Variants in RAD51B observed in about 807,000 individuals in gnomAD.
The protein encoded by RAD51B is DNA repair protein RAD51 homolog 2.
In RAD51B, 38 loss-of-function variants were observed where a neutral mutation model predicts 42.2. The observed-to-expected ratio is 0.90, with a 90% CI of 0.70 to 1.18. The LOEUF (loss-of-function observed/expected upper bound fraction) is 1.18, where lower values mean the gene tolerates loss of function less well. Among genes scored for constraint, RAD51B ranks in the 50% most tolerant of loss-of-function variants. The probability of loss-of-function intolerance (pLI) is 0.00; values close to 1 mark genes in which losing one functional copy is unlikely to be tolerated. For missense variants in RAD51B, 373 were observed against 400.7 expected, an observed-to-expected ratio of 0.93 and a Z score of 0.59; for synonymous variants, 154 against 145.2, an observed-to-expected ratio of 1.06 and a Z score of -0.43.
chr14:68,037,183 C>CCCTCTCCTCT (rs1251650735), intron 7 of RAD51B, among the ~76,000 whole-genome samples: 9 of 31,566 alleles, frequency 2.9e-4, no homozygotes, highest in African/African-American at 1.5e-3. Flanking sequence ...CCCTCCCCTC[C>CCCTCTCCTCT]CCTCTCCTCT....
At chr14:68,632,950 T>TTTTTTC (rs1443219950) in intron 10 of RAD51B, among the ~76,000 whole-genome samples, 16 of 148,440 alleles carry the variant, frequency 1.1e-4, no homozygotes, top group Non-Finnish European at 2.1e-4. Context: ...TAATTTTTTC[T>TTTTTTC]TTTTTCTTTT....
intron 7 of RAD51B, among the ~76,000 whole-genome samples, chr14:67,941,641 G>A (rs1176602832): frequency 2.0e-5 from 3 of 152,172 alleles, no homozygotes; most frequent in Non-Finnish European, 4.4e-5. Context: ...TGTCAGGACT[G>A]GGGGTTTAGT....
chr14:68,238,913 T>C (rs1446654090), intron 7 of RAD51B, among the ~76,000 whole-genome samples: 1 of 152,232 alleles, frequency 6.6e-6, no homozygotes, highest in Non-Finnish European at 1.5e-5. Flanking sequence ...GAACTGGTCA[T>C]GATGATATCT....
intron 7 of RAD51B, among the ~76,000 whole-genome samples, chr14:68,185,651 G>A (rs116801448): frequency 0.014 from 2,190 of 151,904 alleles, 59 homozygotes; most frequent in African/African-American, 0.05. Flanking sequence ...TTTTGTGGAA[G>A]ACAATTTTTC....
chr14:67,991,931 G>A (rs1189688821), intron 7 of RAD51B, among the ~76,000 whole-genome samples: 1 of 152,132 alleles, frequency 6.6e-6, no homozygotes, highest in East Asian at 1.9e-4. Flanking sequence ...TTACAGAATA[G>A]AGGAGAAATG....
At chr14:68,594,487 A>T (rs1413869095) in exon 11 of RAD51B, 1 of 1,368,520 alleles carries the variant, frequency 7.3e-7, no homozygotes. Context: ...TCTCTTAGAG[A>T]CAACATTTTG....
intron 8 of RAD51B, among the ~76,000 whole-genome samples, chr14:68,375,503 T>C (rs2083349982): frequency 6.6e-6 from 1 of 152,218 alleles, no homozygotes; most frequent in African/African-American, 2.4e-5. Context: ...TCCCAGACCC[T>C]ATGCCTTCTT....
chr14:68,115,682 G>A (rs2077535054), intron 7 of RAD51B, among the ~76,000 whole-genome samples: 1 of 151,940 alleles, frequency 6.6e-6, no homozygotes, highest in Non-Finnish European at 1.5e-5. Context: ...GACAATCCCA[G>A]AAAAAGAAGG....
chr14:68,542,403 T>G (rs1594957636), intron 10 of RAD51B, among the ~76,000 whole-genome samples: 2 of 152,364 alleles, frequency 1.3e-5, no homozygotes, highest in East Asian at 3.9e-4. Flanking sequence ...GATCCATTGT[T>G]TCCATGCAGG....
chr14:68,560,248 TTTGGAGCTG>T, intron 10 of RAD51B, among the ~76,000 whole-genome samples: 1 of 152,354 alleles, frequency 6.6e-6, no homozygotes, highest in Middle Eastern at 3.4e-3. Flanking sequence ...GTTCTGTTGT[TTTGGAGCTG>T]TTGGAGAGGC....
intron 9 of RAD51B, among the ~76,000 whole-genome samples, chr14:68,456,616 GA>G (rs1159938640): frequency 5.1e-4 from 78 of 152,154 alleles, no homozygotes; most frequent in African/African-American, 1.9e-3. Context: ...GGGAGAAATA[GA>G]AATTCAATGA....
chr14:67,952,753 C>G (rs141045938), intron 7 of RAD51B, among the ~76,000 whole-genome samples: 1 of 152,058 alleles, frequency 6.6e-6, no homozygotes, highest in African/African-American at 2.4e-5. Context: ...AGAAATAGAA[C>G]TAGTTGAAAA....
intron 5 of RAD51B, among the ~76,000 whole-genome samples, chr14:67,874,970 A>C (rs761462308): frequency 1.3e-5 from 2 of 152,208 alleles, no homozygotes; most frequent in Non-Finnish European, 2.9e-5. Flanking sequence ...TTGGAGAAAT[A>C]AAATGGATAA....
In RAD51B at chr14:68,447,268, C is replaced by G. The variant is rs118023516; in HGVS notation, c.958-20904C>G. Among the ~76,000 whole-genome samples, 31 of 152,180 alleles carry G rather than the reference C, an allele frequency of 2.0e-4. No individual in the cohort carries two copies. The East Asian group carries it at 5.0e-3, about 25-fold the overall frequency. ...CATATTAGATCCTCATAGTTACATA[C>G]AAATGTGGGCCAGAAAATTCTAATA... On this transcript the variant is annotated intron_variant, in intron 9 of 10. Coordinates refer to ENST00000471583, the MANE Select transcript of RAD51B (RefSeq NM_133510.4).
chr14:68,288,868 A>G (rs893172797), intron 7 of RAD51B, among the ~76,000 whole-genome samples: 1 of 152,228 alleles, frequency 6.6e-6, no homozygotes, highest in Admixed American at 6.5e-5. Context: ...GAGCTGACAC[A>G]TTTAGATCTC....
chr14:68,077,651 A>ATGTTACATTAAAATT (rs1168091696), intron 7 of RAD51B, among the ~76,000 whole-genome samples: 15 of 152,196 alleles, frequency 9.9e-5, no homozygotes, highest in Admixed American at 9.8e-4. Context: ...TGCTAGCAGT[A>ATGTTACATTAAAATT]TGTTACATTA....
intron 10 of RAD51B, among the ~76,000 whole-genome samples, chr14:68,581,983 C>G (rs1007605286): frequency 2.6e-5 from 4 of 152,188 alleles, no homozygotes; most frequent in Non-Finnish European, 2.9e-5. Context: ...GGACCCCTTC[C>G]TTACACCTTA....
chr14:68,111,460 TG>T (rs1466882747), intron 7 of RAD51B, among the ~76,000 whole-genome samples: 5 of 152,120 alleles, frequency 3.3e-5, no homozygotes, highest in Non-Finnish European at 7.4e-5. Context: ...CATGTGGTTG[TG>T]CTGTTACATG....
At chr14:67,961,785 G>C (rs1397816375) in intron 7 of RAD51B, among the ~76,000 whole-genome samples, 2 of 151,858 alleles carry the variant, frequency 1.3e-5, no homozygotes, top group Admixed American at 1.3e-4. Context: ...ATTTGCATGT[G>C]TCTGTCAACA....
Sources: allele counts gnomAD v4.1 joint callset (sites outside exome capture counted in the v4.1 genomes callset), GRCh38; gene constraint gnomAD v4.1.1; transcripts MANE v1.5; gene names NCBI Gene and HGNC (gene_info 2026-07-23, HGNC 2026-07-21).